The following LRRFIP1 variants were observed in gnomAD, a reference collection of about 807,000 sequenced individuals.
The protein encoded by LRRFIP1 is LRR binding FLII interacting protein 1, also known as leucine-rich repeat flightless-interacting protein 1.
A neutral mutation model predicts 104.4 loss-of-function variants in LRRFIP1; 62 were observed. That is an observed-to-expected ratio of 0.59 (90% CI 0.48 to 0.73). LRRFIP1 has a LOEUF of 0.73. Ranked by LOEUF, LRRFIP1 falls within the 30% of genes least tolerant of loss-of-function variation. The probability of loss-of-function intolerance (pLI) is 0.00; values close to 1 mark genes in which losing one functional copy is unlikely to be tolerated. For synonymous variants in LRRFIP1, 300 were observed against 299.0 expected, an observed-to-expected ratio of 1.00 and a Z score of -0.03; for missense variants, 796 against 824.5, an observed-to-expected ratio of 0.97 and a Z score of 0.42.
intron 11 of LRRFIP1, among the ~76,000 whole-genome samples, chr2:237,741,039 A>T (rs930604472): frequency 3.9e-5 from 6 of 152,204 alleles, no homozygotes; most frequent in Non-Finnish European, 7.3e-5. Context: ...GGCTCTGCCC[A>T]CCTGGCCTCA....
At chr2:237,704,999 C>G (rs898641150) in intron 1 of LRRFIP1, among the ~76,000 whole-genome samples, 1 of 152,160 alleles carries the variant, frequency 6.6e-6, no homozygotes, top group Non-Finnish European at 1.5e-5. Flanking sequence ...ATGATGGGAA[C>G]CTTTTCCTGG....
rs777912072 is a variant in LRRFIP1, at chr2:237,762,638, G to A, written c.1459+2433G>A. On this transcript the variant is annotated intron_variant, in intron 19 of 23. Transcript: ENST00000308482. ...TGAAGTGGAGGTGAAAAATGAAATC[G>A]TGGCGAATGTGGGGAAAAGAGAAAT... 2.4e-5 allele frequency: 39 copies of A among 1,608,246 alleles called. No homozygotes were observed. Among genetic ancestry groups the A allele is most frequent in the Admixed American group, 2.2e-4 (13 of 59,624 alleles).
At chr2:237,671,388 A>G (rs2090315657) in intron 1 of LRRFIP1, among the ~76,000 whole-genome samples, 1 of 152,252 alleles carries the variant, frequency 6.6e-6, no homozygotes, top group Non-Finnish European at 1.5e-5. Flanking sequence ...TTTGCTTGTC[A>G]CACATCAGAA....
chr2:237,723,612 G>T, intron 7 of LRRFIP1, 26 bp downstream of exon 7: 1 of 1,613,316 alleles, frequency 6.2e-7, no homozygotes, highest in Non-Finnish European at 8.5e-7. Flanking sequence ...ATACTTTGCT[G>T]TGTGACCTTA....
intron 1 of LRRFIP1, among the ~76,000 whole-genome samples, chr2:237,700,007 A>T (rs543054059): frequency 6.6e-6 from 1 of 152,180 alleles, no homozygotes; most frequent in Non-Finnish European, 1.5e-5. Flanking sequence ...TCTGGGGGAC[A>T]TGGGGTGGTG....
At chr2:237,671,794 AGG>A (rs1444348059) in intron 1 of LRRFIP1, among the ~76,000 whole-genome samples, 5 of 150,670 alleles carry the variant, frequency 3.3e-5, no homozygotes, top group Admixed American at 3.3e-4. Flanking sequence ...GTGTGTGTGC[AGG>A]TGTGTGTGTG....
chr2:237,676,995 G>A (rs2091246580), intron 1 of LRRFIP1, among the ~76,000 whole-genome samples: 1 of 152,248 alleles, frequency 6.6e-6, no homozygotes, highest in African/African-American at 2.4e-5. Context: ...ATAAACAAAA[G>A]GGTAAATTGT....
chr2:237,771,523 T>C (rs2060624300), intron 20 of LRRFIP1, among the ~76,000 whole-genome samples: 2 of 145,440 alleles, frequency 1.4e-5, no homozygotes, highest in African/African-American at 5.1e-5. Flanking sequence ...CATCCACAGA[T>C]TTGGTGTCTG....
At chr2:237,710,444 C>T (rs1038738224) in intron 2 of LRRFIP1, among the ~76,000 whole-genome samples, 2 of 151,908 alleles carry the variant, frequency 1.3e-5, no homozygotes, top group South Asian at 2.1e-4. Flanking sequence ...CCACCATGCC[C>T]GGCTAATTTT....
intron 19 of LRRFIP1, 85 bp downstream of exon 19, chr2:237,760,290 C>T (rs757654415): frequency 7.0e-5 from 100 of 1,437,946 alleles, no homozygotes; most frequent in Middle Eastern, 1.8e-4. Flanking sequence ...TTGGAGCCAC[C>T]GTCGCTGATG....
chr2:237,727,227 A>G (rs1317071537), intron 7 of LRRFIP1, among the ~76,000 whole-genome samples: 1 of 152,044 alleles, frequency 6.6e-6, no homozygotes, highest in African/African-American at 2.4e-5. Context: ...GTGGTGACGC[A>G]CGCCTGTAAT....
chr2:237,736,468 G>A (rs2095250737), intron 10 of LRRFIP1, among the ~76,000 whole-genome samples: 1 of 152,202 alleles, frequency 6.6e-6, no homozygotes, highest in Admixed American at 6.5e-5. Flanking sequence ...AGAAAAGAGG[G>A]AGAATACTAA....
intron 1 of LRRFIP1, among the ~76,000 whole-genome samples, chr2:237,640,798 C>T (rs543245836): frequency 1.3e-5 from 2 of 152,320 alleles, no homozygotes; most frequent in African/African-American, 4.8e-5. Flanking sequence ...GTGTGGCCCC[C>T]GCCCCTCCAC....
At chr2:237,690,790 C>A (rs953793273) in intron 1 of LRRFIP1, among the ~76,000 whole-genome samples, 2 of 151,668 alleles carry the variant, frequency 1.3e-5, no homozygotes, top group Admixed American at 1.3e-4. Flanking sequence ...TTTAAATAAG[C>A]GTTACAGGGA....
intron 15 of LRRFIP1, among the ~76,000 whole-genome samples, chr2:237,754,860 C>T (rs3754706): frequency 0.19 from 28,986 of 152,162 alleles, 3,206 homozygotes; most frequent in East Asian, 0.47. Context: ...AGGCATCATT[C>T]AGTGGACTGA....
At chr2:237,650,667 G>T (rs543204921) in intron 1 of LRRFIP1, among the ~76,000 whole-genome samples, 3 of 152,222 alleles carry the variant, frequency 2.0e-5, no homozygotes, top group African/African-American at 7.2e-5. Flanking sequence ...CACAGTGACC[G>T]CAGGAGAGAA....
chr2:237,652,080 T>C (rs2086033084), intron 1 of LRRFIP1, among the ~76,000 whole-genome samples: 2 of 152,306 alleles, frequency 1.3e-5, no homozygotes, highest in Non-Finnish European at 2.9e-5. Flanking sequence ...TAGGTGCAGG[T>C]GGTGACGGCG....
chr2:237,730,394 G>A (rs1234620073), intron 8 of LRRFIP1, among the ~76,000 whole-genome samples: 4 of 152,184 alleles, frequency 2.6e-5, no homozygotes, highest in African/African-American at 9.7e-5. Flanking sequence ...GCTTGTTGGT[G>A]TTTGTTTAGG....
intron 1 of LRRFIP1, among the ~76,000 whole-genome samples, chr2:237,662,882 C>T (rs77607412): frequency 0.025 from 3,845 of 152,232 alleles, 160 homozygotes; most frequent in African/African-American, 0.086. Flanking sequence ...GCCATGACGG[C>T]ACCCAGGCAT....
Sources: allele counts gnomAD v4.1 joint callset (sites outside exome capture counted in the v4.1 genomes callset), GRCh38; gene constraint gnomAD v4.1.1; transcripts MANE v1.5; gene names NCBI Gene and HGNC (gene_info 2026-07-23, HGNC 2026-07-21).